The following DPP9 variants were observed in gnomAD, a reference collection of about 807,000 sequenced individuals.
DPP9 encodes dipeptidyl peptidase IV-related protein-2.
Under a neutral mutation model 110.7 loss-of-function variants are expected in DPP9, and 50 were observed. The observed-to-expected ratio is 0.45, with a 90% CI of 0.36 to 0.57. The LOEUF is 0.57. Among genes scored for constraint, DPP9 ranks in the 20% least tolerant of loss-of-function variants. The probability of loss-of-function intolerance (pLI) is 0.00; values close to 1 mark genes in which losing one functional copy is unlikely to be tolerated. For missense variants in DPP9, 1,022 were observed against 1,217.9 expected, an observed-to-expected ratio of 0.84 and a Z score of 2.39; for synonymous variants, 561 against 514.4, an observed-to-expected ratio of 1.09 and a Z score of -1.23.
chr19:4,689,835 G>A lies in DPP9; in HGVS notation c.1597-113C>T. 1 of 1,181,336 alleles carries A rather than the reference G, an allele frequency of 8.5e-7. No individual in the cohort carries two copies. Among genetic ancestry groups the A allele is most frequent in the Non-Finnish European group, 1.2e-6 (1 of 866,834 alleles). The allele number at this position is 1,181,336 out of a possible 1,614,324, so 73.2% of individuals were successfully genotyped here. On this transcript the variant is annotated intron_variant, in intron 14 of 21. Coordinates refer to ENST00000262960, the MANE Select transcript of DPP9 (RefSeq NM_139159.5). This position sits in a 1 kb window ranked among gnomAD's most constrained non-coding sequence, Gnocchi z 7.0. ...GTTCCTCGGACTGGGGACGCATGCTGTCCTCGCCCAAGTCTGGCTTTAGGG... is the reference window on the plus strand; with the variant it reads ...GTTCCTCGGACTGGGGACGCATGCTATCCTCGCCCAAGTCTGGCTTTAGGG...
chr19:4,677,295 C>G (rs1438867425), intron 21 of DPP9, among the ~76,000 whole-genome samples: 1 of 152,128 alleles, frequency 6.6e-6, no homozygotes, highest in South Asian at 2.1e-4. Flanking sequence ...GAGGCACTGA[C>G]GGACAACCCC....
rs936319413 is a variant in DPP9 at position 4,700,614 on chromosome 19, C to G, written c.1013-337G>C. On this transcript the variant is annotated intron_variant, in intron 9 of 21. Transcript: ENST00000262960. The surrounding 1 kb of genome is among the most constrained non-coding windows in gnomAD (Gnocchi z 4.3). ...CGCAGATACCAGGAAGATGCCATCC[C>G]TGCCTTGGGAGAGCTCCAGAGCAGA... 6.6e-6 allele frequency among the ~76,000 whole-genome samples: 1 copy of G among 152,250 alleles called. No individual in the cohort carries two copies. Among genetic ancestry groups the G allele is most frequent in the Non-Finnish European group, 1.5e-5 (1 of 68,046 alleles).
Position 4,698,252 on chromosome 19 carries a change from G to C in DPP9, c.1075-601C>G, listed in dbSNP as rs1257069873. Among the ~76,000 whole-genome samples, 1 of 152,160 alleles carries C rather than the reference G, an allele frequency of 6.6e-6. No individual in the cohort carries two copies. The highest frequency in any genetic ancestry group is 1.5e-5 in the Non-Finnish European group (1 of 68,022). On this transcript the variant is annotated intron_variant, in intron 10 of 21. Transcript: ENST00000262960. The surrounding 1 kb of genome is among the most constrained non-coding windows in gnomAD (Gnocchi z 4.2). ...TGGCACGGCGTTTCCAGGGTATTGA[G>C]AGATAGGGGACCTGAGCCTTCCTCG...
rs1247785477 is a variant in DPP9, at chr19:4,685,599, G to C, written c.2031+27C>G. ...AGTCCTCGGGTGGATGGTGGGGTGG[G>C]GGCCTGGGGAGCAGGTGTGCACTCA... On this transcript the variant is annotated intron_variant, in intron 17 of 21. Transcript: ENST00000262960. The surrounding 1 kb of genome is among the most constrained non-coding windows in gnomAD (Gnocchi z 5.8). The C allele has an allele frequency of 3.8e-6, 6 of 1,584,524 alleles. No homozygotes were observed. Among genetic ancestry groups the C allele is most frequent in the Non-Finnish European group, 5.1e-6 (6 of 1,166,266 alleles).
intron 16 of DPP9, among the ~76,000 whole-genome samples, chr19:4,686,950 C>T (rs2090799248): frequency 6.6e-6 from 1 of 152,212 alleles, no homozygotes; most frequent in Admixed American, 6.5e-5. Flanking sequence ...CTGGATTTGG[C>T]AGCAGTTGGC....
At chr19:4,703,308 G>T (rs970163429) in intron 7 of DPP9, among the ~76,000 whole-genome samples, 21 of 152,130 alleles carry the variant, frequency 1.4e-4, no homozygotes, top group African/African-American at 5.1e-4. Context: ...GAGCACCGTG[G>T]CTGGGCTGAC....
chr19:4,702,708 T>C lies in DPP9; in HGVS notation c.778A>G (p.Asn260Asp). The C allele has an allele frequency of 6.3e-7, 1 of 1,589,110 alleles. No individual in the cohort carries two copies. Among genetic ancestry groups the C allele is most frequent in the Non-Finnish European group, 8.6e-7 (1 of 1,168,848 alleles). Reference sequence around the variant, plus strand: ...GCAGACTTGGGGTCATCCAGGACATTGGATAAACCTAGGGGGAGGGACGGA... The same window carrying C: ...GCAGACTTGGGGTCATCCAGGACATCGGATAAACCTAGGGGGAGGGACGGA... ...RLTFCHQGLS[N>D]VLDDPKSAGV... Residue 260 changes from asparagine to aspartate, a missense_variant, in exon 8 of 22, where the codon AAT becomes GAT. This residue lies in a region of DPP9 where 810 missense variants were observed against 920.6 expected (regional missense o/e 0.88). Coordinates refer to ENST00000262960, the MANE Select transcript of DPP9 (RefSeq NM_139159.5).
chr19:4,677,806 C>G (rs2089091320), intron 21 of DPP9, among the ~76,000 whole-genome samples: 1 of 152,188 alleles, frequency 6.6e-6, no homozygotes, highest in South Asian at 2.1e-4. Context: ...GTTACTTTTT[C>G]CTCTTGGCTA....
intron 11 of DPP9, 64 bp downstream of exon 11, chr19:4,697,487 G>C: frequency 7.1e-7 from 1 of 1,410,388 alleles, no homozygotes. Flanking sequence ...AGGCAGCTTC[G>C]GTGGCTGCCC....
chr19:4,712,246 G>A (rs747545482), intron 4 of DPP9, among the ~76,000 whole-genome samples: 5 of 152,172 alleles, frequency 3.3e-5, no homozygotes, highest in Non-Finnish European at 7.4e-5. Flanking sequence ...GAGTTGGCCA[G>A]CATTCTTAAA....
rs115957177 is a variant in DPP9 at position 4,686,651 on chromosome 19, C to T, written c.1886-880G>A. 4.0e-3 allele frequency among the ~76,000 whole-genome samples: 603 copies of T among 152,276 alleles called. 5 individuals carry two copies. The highest frequency in any genetic ancestry group is 0.013 in the African/African-American group (561 of 41,562). ...CTCCTGACCTTGGGTGACCCGCACA[C>T]CTTGGCCTCCCAATGTGCTGGGATT... is the stretch of plus-strand genomic sequence containing the variant. On this transcript the variant is annotated intron_variant, in intron 16 of 21. Coordinates refer to ENST00000262960, the MANE Select transcript of DPP9 (RefSeq NM_139159.5).
At chr19:4,708,431 G>T (rs528328575) in intron 4 of DPP9, among the ~76,000 whole-genome samples, 64 of 152,330 alleles carry the variant, frequency 4.2e-4, no homozygotes, top group Admixed American at 8.5e-4. Context: ...GCACTCCCTT[G>T]TGGGAACTCC....
Position 4,695,704 on chromosome 19 carries a change from T to C in DPP9, c.1176-149A>G. On this transcript the variant is annotated intron_variant, in intron 11 of 21. Coordinates refer to ENST00000262960, the MANE Select transcript of DPP9 (RefSeq NM_139159.5). This position sits in a 1 kb window ranked among gnomAD's most constrained non-coding sequence, Gnocchi z 4.7. Reference sequence around the variant, plus strand: ...TCACCTGCACTTGGCCAAGTAACCCTGCAGCACCCACAGGCTTCCTTCCTG... The same window carrying C: ...TCACCTGCACTTGGCCAAGTAACCCCGCAGCACCCACAGGCTTCCTTCCTG... 1 of 577,672 alleles carries C rather than the reference T, an allele frequency of 1.7e-6. No individual in the cohort carries two copies. Among genetic ancestry groups the C allele is most frequent in the East Asian group, 3.4e-5 (1 of 29,236 alleles). 35.8% of individuals were successfully genotyped at this position (577,672 alleles called of 1,614,324 possible).
chr19:4,692,188 T>G (rs552344898), intron 13 of DPP9, among the ~76,000 whole-genome samples: 57 of 152,132 alleles, frequency 3.7e-4, no homozygotes, highest in African/African-American at 1.2e-3. Context: ...ATTGTTTTTT[T>G]GGGGGGTAGG....
intron 20 of DPP9, 25 bp from the exon 21 acceptor site, chr19:4,679,971 T>C: frequency 6.4e-7 from 1 of 1,568,592 alleles, no homozygotes; most frequent in Non-Finnish European, 8.7e-7. Context: ...GGGAAGGGTC[T>C]GAGGCCAGGG....
chr19:4,691,185 C>G (rs62113866), intron 13 of DPP9, among the ~76,000 whole-genome samples: 1 of 152,146 alleles, frequency 6.6e-6, no homozygotes, highest in African/African-American at 2.4e-5. Flanking sequence ...GTGTTTCCCA[C>G]GATAAACCAG....
At chr19:4,701,431 G>A (rs1292121066) in intron 9 of DPP9, among the ~76,000 whole-genome samples, 1 of 152,136 alleles carries the variant, frequency 6.6e-6, no homozygotes, top group Non-Finnish European at 1.5e-5. Context: ...TTGCACCACT[G>A]TACTCCTGCC....
chr19:4,682,858 G>A lies in DPP9; in HGVS notation c.2332-20C>T. 6.4e-7 allele frequency: 1 copy of A among 1,570,266 alleles called. No homozygotes were observed. The highest frequency in any genetic ancestry group is 1.2e-5 in the South Asian group (1 of 85,672). Reference sequence around the variant, plus strand: ...GGCCACCTGAGGGACACAGCAGACAGATGGGGGCAGAGAGAGAGAGAGAAA... The same window carrying A: ...GGCCACCTGAGGGACACAGCAGACAAATGGGGGCAGAGAGAGAGAGAGAAA... On this transcript the variant is annotated intron_variant, in intron 19 of 21. Coordinates refer to ENST00000262960, the MANE Select transcript of DPP9 (RefSeq NM_139159.5). The surrounding 1 kb of genome is among the most constrained non-coding windows in gnomAD (Gnocchi z 7.1).
In DPP9 at chr19:4,683,623, C is replaced by T. The variant is rs1487234500; in HGVS notation, c.2185G>A (p.Val729Met). 2 of 1,613,434 alleles carry T rather than the reference C, an allele frequency of 1.2e-6. No individual in the cohort carries two copies. The highest frequency in any genetic ancestry group is 1.3e-5 in the African/African-American group (1 of 75,062). Residue 729 changes from valine to methionine, a missense_variant, in exon 19 of 22, where the codon GTG (valine) becomes ATG (methionine). Around this residue, in one of 3 missense-constraint regions of DPP9, gnomAD observed 209 missense variants for 280.4 expected, o/e 0.75. Transcript: ENST00000262960. ...EGALKNQMGQ[V>M]EIEDQVEGLQ... ...CCCTCCACCTGGTCCTCGATCTCCA[C>T]CTGGCCCTGAGGGATGAAGCCGGGC... is the stretch of plus-strand genomic sequence containing the variant.
Sources: allele counts gnomAD v4.1 joint callset (sites outside exome capture counted in the v4.1 genomes callset), GRCh38; gene constraint gnomAD v4.1.1; regional missense constraint gnomAD v4.1.1; non-coding constraint Gnocchi (gnomAD v3.1); transcripts MANE v1.5; gene names NCBI Gene and HGNC (gene_info 2026-07-23, HGNC 2026-07-21).